KLF17: variants seen among roughly 807,000 people sequenced by gnomAD.
KLF17 encodes Krueppel-like factor 17.
KLF17 carries 31 observed loss-of-function variants against 34.2 expected under a neutral mutation model. The ratio of observed to expected loss-of-function variants is 0.91; its 90% CI spans 0.68 to 1.22. The LOEUF (loss-of-function observed/expected upper bound fraction) is 1.22, where lower values mean the gene tolerates loss of function less well. KLF17 is among the 50% of genes most tolerant of loss of function. The probability of loss-of-function intolerance (pLI) is 0.00; values close to 1 mark genes in which losing one functional copy is unlikely to be tolerated. For missense variants in KLF17, 478 were observed against 505.2 expected (o/e 0.95, Z 0.52); for synonymous variants, 179 against 186.7 (o/e 0.96, Z 0.34).
chr1:44,119,041 G>A, intron 1 of KLF17, 53 bp downstream of exon 1: 1 of 1,434,972 alleles, frequency 7.0e-7, no homozygotes, highest in Non-Finnish European at 9.5e-7. Context: ...CTAGGGGGCG[G>A]CGGGGAGGGG....
the KLF17 span, among the ~76,000 whole-genome samples, chr1:44,059,510 A>G: frequency 6.6e-6 from 1 of 152,174 alleles, no homozygotes; most frequent in Non-Finnish European, 1.5e-5. Flanking sequence ...CCCAGGGTGC[A>G]CAGTTCTACC....
At chr1:44,062,673 G>A in the KLF17 span, among the ~76,000 whole-genome samples, 3 of 148,924 alleles carry the variant, frequency 2.0e-5, no homozygotes, top group African/African-American at 7.5e-5. Flanking sequence ...CCATGATCAC[G>A]CCACTGTACT....
the KLF17 span, among the ~76,000 whole-genome samples, chr1:44,077,465 G>A: frequency 2.0e-5 from 3 of 152,140 alleles, no homozygotes; most frequent in East Asian, 1.9e-4. Context: ...TACTAGGCTC[G>A]TGAATTCTAT....
At chr1:44,081,195 C>T in the KLF17 span, among the ~76,000 whole-genome samples, 1 of 145,364 alleles carries the variant, frequency 6.9e-6, no homozygotes, top group African/African-American at 2.6e-5. Context: ...CATTGCACTC[C>T]AGCCTGGGTA....
the KLF17 span, among the ~76,000 whole-genome samples, chr1:44,098,485 T>C: frequency 6.6e-6 from 1 of 151,024 alleles, no homozygotes; most frequent in Non-Finnish European, 1.5e-5. Context: ...TATTATTTTT[T>C]TTAAAAAAGA....
chr1:44,126,840 A>C (rs2429054), intron 1 of KLF17, among the ~76,000 whole-genome samples: 24 of 151,722 alleles, frequency 1.6e-4, no homozygotes, highest in African/African-American at 5.8e-4. Context: ...CTAGAAAAAA[A>C]ATATATATTT....
chr1:44,067,092 A>G, the KLF17 span, among the ~76,000 whole-genome samples: 9 of 152,148 alleles, frequency 5.9e-5, no homozygotes, highest in Non-Finnish European at 1.2e-4. Context: ...TTATTATATT[A>G]TTTTTAAAAA....
the KLF17 span, among the ~76,000 whole-genome samples, chr1:44,096,703 G>GTT: frequency 2.6e-5 from 4 of 151,502 alleles, no homozygotes; most frequent in South Asian, 4.2e-4. Flanking sequence ...CCCAGCCTAC[G>GTT]GTTTTTAAAA....
intron 3 of KLF17, among the ~76,000 whole-genome samples, chr1:44,131,321 T>C (rs1325206987): frequency 2.0e-5 from 3 of 152,184 alleles, no homozygotes; most frequent in African/African-American, 7.2e-5. Context: ...CAGTAGAGAC[T>C]GGGAGCTTCA....
chr1:44,101,292 G>C, the KLF17 span, among the ~76,000 whole-genome samples: 1 of 152,120 alleles, frequency 6.6e-6, no homozygotes. Flanking sequence ...AACTAATGCT[G>C]ATATTTATAC....
intron 1 of KLF17, among the ~76,000 whole-genome samples, chr1:44,125,668 A>C (rs922122604): frequency 6.6e-6 from 1 of 152,026 alleles, no homozygotes; most frequent in Non-Finnish European, 1.5e-5. Context: ...GGGTTTCACT[A>C]TGTTGGCCAG....
chr1:44,056,569 G>T, the KLF17 span, among the ~76,000 whole-genome samples: 1 of 152,188 alleles, frequency 6.6e-6, no homozygotes, highest in Non-Finnish European at 1.5e-5. Context: ...TAAAAGAAAA[G>T]CTGGGAACAG....
chr1:44,058,130 C>T, the KLF17 span, among the ~76,000 whole-genome samples: 10 of 152,152 alleles, frequency 6.6e-5, no homozygotes, highest in East Asian at 7.7e-4. Context: ...ACCCAGCAGG[C>T]GTCCTGAGCC....
In KLF17 at chr1:44,133,287, A is replaced by C. The variant is rs1464657436; in HGVS notation, c.*50A>C. 1 of 152,306 alleles carries C rather than the reference A, an allele frequency of 6.6e-6. No homozygotes were observed. The allele number at this position is 152,306 out of a possible 1,614,324, so 9.4% of individuals were successfully genotyped here. A position where few individuals can be genotyped will look rare whatever the true frequency, so the allele number is the denominator to read the frequency against. On this transcript the variant is annotated 3_prime_UTR_variant, in exon 4 of 4. Transcript: ENST00000372299. ...CAGGCTGAGAGCACTGGACGTGGCA[A>C]CTGTTCAGAGGAGAGGCAGTCTTCA... is the stretch of plus-strand genomic sequence containing the variant.
chr1:44,132,618 G>A (rs971904520), intron 3 of KLF17, among the ~76,000 whole-genome samples: 2 of 152,118 alleles, frequency 1.3e-5, no homozygotes, highest in Non-Finnish European at 2.9e-5. Flanking sequence ...TAAAACACCA[G>A]TACTTAGTTC....
At chr1:44,114,856 A>G (rs565713843), upstream of KLF17, 5 of 152,348 alleles carry the variant, frequency 3.3e-5, no homozygotes, top group African/African-American at 1.2e-4. Flanking sequence ...TTATTTGTAC[A>G]TGTAAACTTC....
the KLF17 span, among the ~76,000 whole-genome samples, chr1:44,111,290 C>T: frequency 1.3e-5 from 2 of 152,182 alleles, no homozygotes; most frequent in Middle Eastern, 6.8e-3. Context: ...GCCACCATGC[C>T]CGGCCTGTGT....
chr1:44,112,134 C>T, the KLF17 span, among the ~76,000 whole-genome samples: 8 of 152,336 alleles, frequency 5.3e-5, no homozygotes, highest in East Asian at 1.5e-3. Flanking sequence ...TGTATTTATT[C>T]TCCTGTCGGT....
chr1:44,118,742 C>T (rs1571982235), upstream of KLF17: 2 of 439,916 alleles, frequency 4.5e-6, no homozygotes, highest in East Asian at 3.8e-5. Context: ...GCTGCGAGGG[C>T]GGCGCAGGGC....
Sources: gnomAD v4.1 joint callset for allele counts (sites outside exome capture counted in the v4.1 genomes callset) on GRCh38, gnomAD v4.1.1 for gene constraint, MANE v1.5 for transcripts, NCBI Gene and HGNC (gene_info 2026-07-23, HGNC 2026-07-21) for gene names.